Variants in NGEF observed in about 807,000 individuals in gnomAD.
NGEF encodes the protein ephexin-1.
A neutral mutation model predicts 80.9 loss-of-function variants in NGEF; 31 were observed. That is an observed-to-expected ratio of 0.38 (90% CI 0.29 to 0.52). The LOEUF is 0.52. Among genes scored for constraint, NGEF ranks in the 20% least tolerant of loss-of-function variants. The pLI, the probability that NGEF is intolerant of heterozygous loss-of-function variation, is 0.84. For missense variants in NGEF, 709 were observed against 926.2 expected, an observed-to-expected ratio of 0.77 and a Z score of 3.04; for synonymous variants, 371 against 370.2, an observed-to-expected ratio of 1.00 and a Z score of -0.03.
chr2:232,899,364 C>T (rs1314774912), intron 5 of NGEF, among the ~76,000 whole-genome samples: 1 of 152,144 alleles, frequency 6.6e-6, no homozygotes, highest in African/African-American at 2.4e-5. Context: ...TGCTATCTGC[C>T]AGTATTCACG....
intron 1 of NGEF, among the ~76,000 whole-genome samples, chr2:232,979,389 CACACACAG>C (rs60988808): frequency 0.23 from 8,793 of 37,770 alleles, 703 homozygotes; most frequent in African/African-American, 0.51. Flanking sequence ...CACACACACA[CACACACAG>C]GAAGAGATTG....
At chr2:232,945,081 G>T (rs747971192) in intron 3 of NGEF, among the ~76,000 whole-genome samples, 3 of 151,944 alleles carry the variant, frequency 2.0e-5, no homozygotes, top group South Asian at 2.1e-4. Flanking sequence ...CCATGCATAT[G>T]TTTTATATGC....
At chr2:232,943,128 A>G (rs1693473871) in intron 3 of NGEF, among the ~76,000 whole-genome samples, 1 of 152,246 alleles carries the variant, frequency 6.6e-6, no homozygotes, top group South Asian at 2.1e-4. Context: ...AGCTTTGGCT[A>G]AAAAGATAGA....
chr2:232,930,375 A>C (rs1693193954), intron 3 of NGEF, among the ~76,000 whole-genome samples: 1 of 150,588 alleles, frequency 6.6e-6, no homozygotes, highest in Non-Finnish European at 1.5e-5. Flanking sequence ...GCTGGAGTGC[A>C]ATGGCGCGAT....
chr2:232,988,731 A>G (rs1426173577), intron 1 of NGEF, among the ~76,000 whole-genome samples: 1 of 152,226 alleles, frequency 6.6e-6, no homozygotes, highest in Non-Finnish European at 1.5e-5. Flanking sequence ...AGGGCAAGCA[A>G]TTGGAAGCAA....
chr2:232,952,612 T>A (rs1463006939), intron 3 of NGEF, among the ~76,000 whole-genome samples: 1 of 152,160 alleles, frequency 6.6e-6, no homozygotes, highest in African/African-American at 2.4e-5. Flanking sequence ...AGTGTTATTA[T>A]TTACTAAACA....
intron 1 of NGEF, among the ~76,000 whole-genome samples, chr2:233,005,591 T>C (rs1695068793): frequency 1.3e-5 from 2 of 151,856 alleles, no homozygotes; most frequent in African/African-American, 4.8e-5. Flanking sequence ...GGCAGAAGAG[T>C]CAGAGAGAGG....
At chr2:232,896,543 AGGGGTGAGGGTGGGGTAGGGGTGAGGGTG>A (rs2106237699) in intron 5 of NGEF, among the ~76,000 whole-genome samples, 1 of 34,666 alleles carries the variant, frequency 2.9e-5, no homozygotes, top group South Asian at 9.6e-4. Context: ...GGGTGAGGGT[AGGGGTGAGGGTGGGGTAGGGGTGAGGGTG>A]AAGGTAGGGG....
chr2:232,883,975 A>G lies in NGEF; in HGVS notation c.1601+6T>C. ...GGAGCGCCTGATGCCCTGGGCCCCG[A>G]CTCACCCTGGAATCTGCCGGCAGAT... On this transcript the variant is annotated splice_donor_region_variant and intron_variant, in intron 11 of 14. Transcript: ENST00000264051. The G allele has an allele frequency of 1.2e-6, 2 of 1,606,422 alleles. No individual in the cohort carries two copies. Among genetic ancestry groups the G allele is most frequent in the South Asian group, 2.2e-5 (2 of 89,338 alleles).
intron 7 of NGEF, 80 bp from the exon 8 acceptor site, chr2:232,891,567 TCCCAGGATC>T: frequency 6.7e-7 from 1 of 1,483,050 alleles, no homozygotes; most frequent in Non-Finnish European, 9.0e-7. Context: ...ATCCACAGCC[TCCCAGGATC>T]CAGACGACCC....
chr2:232,930,134 G>T (rs1693189363), intron 3 of NGEF, among the ~76,000 whole-genome samples: 1 of 151,986 alleles, frequency 6.6e-6, no homozygotes, highest in African/African-American at 2.4e-5. Context: ...AGTAATACAG[G>T]GTGTCATCAG....
chr2:232,930,649 GT>G lies in NGEF; in HGVS notation c.384-3464del, dbSNP rs528057654. 2.4e-3 allele frequency among the ~76,000 whole-genome samples: 358 copies of G among 152,144 alleles called. 2 individuals carry two copies. The highest frequency in any genetic ancestry group is 8.2e-3 in the African/African-American group (340 of 41,520). The stretch of plus-strand genomic sequence containing the variant: ...AGCCACCACGCCTGGCCTCTCTGGG[GT>G]CTCTTTTATAGGGTACTAATCCCAT... On this transcript the variant is annotated intron_variant, in intron 3 of 14. Transcript: ENST00000264051.
chr2:232,905,222 C>T (rs1382762533), intron 5 of NGEF, among the ~76,000 whole-genome samples: 1 of 152,214 alleles, frequency 6.6e-6, no homozygotes, highest in African/African-American at 2.4e-5. Context: ...CTGCCTCAGC[C>T]TGCCGAGTGC....
intron 3 of NGEF, among the ~76,000 whole-genome samples, chr2:232,958,584 G>T (rs1693881748): frequency 6.6e-6 from 1 of 152,132 alleles, no homozygotes; most frequent in African/African-American, 2.4e-5. Flanking sequence ...GGAGCTTAAT[G>T]CTACCTGGGC....
At chr2:232,917,539 G>A (rs542322774) in intron 5 of NGEF, among the ~76,000 whole-genome samples, 1 of 150,692 alleles carries the variant, frequency 6.6e-6, no homozygotes, top group African/African-American at 2.4e-5. Flanking sequence ...GTGAGATCTT[G>A]GCTTACTGAA....
chr2:232,911,721 T>C (rs1478171941), intron 5 of NGEF, among the ~76,000 whole-genome samples: 3 of 152,228 alleles, frequency 2.0e-5, no homozygotes, highest in African/African-American at 7.2e-5. Context: ...ATCCTGTCCA[T>C]GTTTTGTTAG....
chr2:233,012,578 A>AG (rs1312977266), intron 1 of NGEF: 1 of 271,552 alleles, frequency 3.7e-6, no homozygotes, highest in Admixed American at 5.1e-5. Context: ...CACAGGAATC[A>AG]GGGCACTTCC....
At chr2:232,966,025 G>T (rs538063225) in intron 3 of NGEF, among the ~76,000 whole-genome samples, 7 of 152,198 alleles carry the variant, frequency 4.6e-5, no homozygotes, top group African/African-American at 1.7e-4. Flanking sequence ...AGCTTTGCTG[G>T]CTACTTGGAA....
At chr2:232,924,318 C>T (rs1693013328) in intron 4 of NGEF, among the ~76,000 whole-genome samples, 1 of 152,148 alleles carries the variant, frequency 6.6e-6, no homozygotes, top group African/African-American at 2.4e-5. Flanking sequence ...TGAGGATGCA[C>T]CAAAGGATGC....
Sources: gnomAD v4.1 joint callset for allele counts (sites outside exome capture counted in the v4.1 genomes callset) on GRCh38, gnomAD v4.1.1 for gene constraint, MANE v1.5 for transcripts, NCBI Gene and HGNC (gene_info 2026-07-23, HGNC 2026-07-21) for gene names.